The following WDR4 variants were observed in gnomAD, a reference collection of about 807,000 sequenced individuals.
The protein encoded by WDR4 is WDR4 tRNA N7-guanosine methyltransferase non-catalytic subunit.
Under a neutral mutation model 48.6 loss-of-function variants are expected in WDR4, and 47 were observed. That is an observed-to-expected ratio of 0.97 (90% CI 0.77 to 1.23). The LOEUF is 1.23. Among genes scored for constraint, WDR4 ranks in the 50% most tolerant of loss-of-function variants. The pLI, the probability that WDR4 is intolerant of heterozygous loss-of-function variation, is 0.00. For synonymous variants in WDR4, 268 were observed against 230.0 expected (o/e 1.17, Z -1.49); for missense variants, 606 against 551.6 (o/e 1.10, Z -0.99).
chr21:42,851,643 G>A lies in WDR4; in HGVS notation c.1045+612C>T, dbSNP rs530930056. ...ACAACGACGCACCCAGAACTACAGT[G>A]TGTCGTGTCCCCAGAAGGCAGGGTA... On this transcript the variant is annotated intron_variant, in intron 10 of 10. Transcript: ENST00000398208. Among the ~76,000 whole-genome samples, 5 of 152,338 alleles carry A rather than the reference G, an allele frequency of 3.3e-5. No homozygotes were observed. In the South Asian group the frequency reaches 1.0e-3, roughly 32 times the overall value.
the WDR4 span, among the ~76,000 whole-genome samples, chr21:42,891,755 G>C: frequency 5.3e-5 from 8 of 151,738 alleles, no homozygotes; most frequent in East Asian, 1.9e-4. Context: ...TCAGGAGTTC[G>C]AGACCAGTCT....
At position 42,879,538 on chromosome 21, in the gene WDR4, G is replaced by A. The variant is rs998968888; in HGVS notation, c.-43C>T. On this transcript the variant is annotated 5_prime_UTR_variant, in exon 1 of 11. Coordinates refer to ENST00000398208, the MANE Select transcript of WDR4 (RefSeq NM_018669.6). ...CGCCATACACATGTGCCAGCCCAGA[G>A]CCTCTTCCTGTCCGCACCGGTCGGT... 4 of 1,606,266 alleles carry A rather than the reference G, an allele frequency of 2.5e-6. No individual in the cohort carries two copies. The highest frequency in any genetic ancestry group is 3.4e-6 in the Non-Finnish European group (4 of 1,176,366).
chr21:42,847,817 G>A (rs1041789150), downstream of WDR4, among the ~76,000 whole-genome samples: 3 of 151,338 alleles, frequency 2.0e-5, no homozygotes, highest in Admixed American at 1.3e-4. Context: ...GCAGCGCATG[G>A]GCCTGTCTGC....
the WDR4 span, among the ~76,000 whole-genome samples, chr21:42,888,571 T>A: frequency 6.6e-6 from 1 of 150,686 alleles, no homozygotes; most frequent in African/African-American, 2.4e-5. Flanking sequence ...AATAAATAAA[T>A]AAATCAATAA....
the WDR4 span, among the ~76,000 whole-genome samples, chr21:42,891,121 C>G: frequency 6.6e-6 from 1 of 152,010 alleles, no homozygotes; most frequent in African/African-American, 2.4e-5. Context: ...TCAAGAGTTA[C>G]AAACCAGCCT....
At chr21:42,877,137 A>C (rs865879431) in intron 1 of WDR4, among the ~76,000 whole-genome samples, 1 of 117,362 alleles carries the variant, frequency 8.5e-6, no homozygotes, top group Non-Finnish European at 1.8e-5. Context: ...GCCTGGCCCT[A>C]ATTTTTTTTT....
intron 1 of WDR4, among the ~76,000 whole-genome samples, chr21:42,877,925 G>A (rs2058535134): frequency 6.6e-6 from 1 of 151,456 alleles, no homozygotes. Flanking sequence ...GGCGCCTGCA[G>A]TCCCAACTAC....
At position 42,849,741 on chromosome 21, in the gene WDR4, G is replaced by T; in HGVS notation, c.*308C>A. The T allele has an allele frequency of 3.1e-6, 1 of 318,816 alleles. No individual in the cohort carries two copies. 19.7% of individuals were successfully genotyped at this position (318,816 alleles called of 1,614,324 possible). A position where few individuals can be genotyped will look rare whatever the true frequency, so the allele number is the denominator to read the frequency against. On this transcript the variant is annotated 3_prime_UTR_variant, in exon 11 of 11. Coordinates refer to ENST00000398208, the MANE Select transcript of WDR4 (RefSeq NM_018669.6). ...GACACGAAGGGCGGTATGAGAACAGGAGAAACACAGACAGCTGCCGCCACC... is the reference window on the plus strand; with the variant it reads ...GACACGAAGGGCGGTATGAGAACAGTAGAAACACAGACAGCTGCCGCCACC...
upstream of WDR4, chr21:42,879,618 CA>C: frequency 8.1e-7 from 1 of 1,235,784 alleles, no homozygotes; most frequent in South Asian, 1.4e-5. Context: ...CGCGCATGCT[CA>C]AGGACGAGCC....
At chr21:42,849,192 G>A (rs111812230), downstream of WDR4, 2,676 of 151,450 alleles carry the variant, frequency 0.018, 30 homozygotes, top group Non-Finnish European at 0.027. Context: ...CAATCACACC[G>A]CGCACCTCAC....
chr21:42,850,984 C>T (rs906318140), intron 10 of WDR4, among the ~76,000 whole-genome samples: 1 of 152,184 alleles, frequency 6.6e-6, no homozygotes, highest in Non-Finnish European at 1.5e-5. Flanking sequence ...GCAGCCTCCC[C>T]GCCCCTCCAG....
intron 6 of WDR4, among the ~76,000 whole-genome samples, chr21:42,857,107 TG>T (rs2058014309): frequency 6.6e-6 from 1 of 151,870 alleles, no homozygotes; most frequent in African/African-American, 2.4e-5. Context: ...AGCTGTCAAA[TG>T]TCTTTACAAA....
chr21:42,855,810 A>G (rs1413749946), intron 6 of WDR4, 30 bp from the exon 7 acceptor site: 4 of 1,510,978 alleles, frequency 2.6e-6, no homozygotes, highest in East Asian at 2.5e-5. Flanking sequence ...AGGTTAGCAC[A>G]TGGTTGTGGG....
Position 42,850,243 on chromosome 21 carries a change from C to T in WDR4, c.1046-1G>A, listed in dbSNP as rs766918418. The T allele has an allele frequency of 1.1e-5, 17 of 1,588,478 alleles. No individual in the cohort carries two copies. Among genetic ancestry groups the T allele is most frequent in the Admixed American group, 1.8e-5 (1 of 55,252 alleles). ...AAGCTGGCGTCTGCGCCGGCAGAGC[C>T]TGTGATGGGGGAACAAGGACAGGTG... On this transcript the variant is annotated splice_acceptor_variant, in intron 10 of 10. Coordinates refer to ENST00000398208, the MANE Select transcript of WDR4 (RefSeq NM_018669.6). LOFTEE classifies it high-confidence loss of function.
upstream of WDR4, chr21:42,879,655 T>C (rs1227274685): frequency 1.9e-5 from 16 of 852,270 alleles, 1 homozygote; most frequent in Admixed American, 3.0e-5. Context: ...TGAAAGGTGC[T>C]GTGACCGCCC....
rs548051058 is a variant in WDR4, at chr21:42,857,998, G to A, written c.627+1664C>T. Among the ~76,000 whole-genome samples, 29 of 152,208 alleles carry A rather than the reference G, an allele frequency of 1.9e-4. No homozygotes were observed. In the East Asian group the frequency reaches 5.0e-3, roughly 26 times the overall value. On this transcript the variant is annotated intron_variant, in intron 6 of 10. Coordinates refer to ENST00000398208, the MANE Select transcript of WDR4 (RefSeq NM_018669.6). ...ACTAGCTACTCGGGAGGCCTGAGGTGGGAGGATTGCTTGAGCCCGGGAGGC... is the reference window on the plus strand; with the variant it reads ...ACTAGCTACTCGGGAGGCCTGAGGTAGGAGGATTGCTTGAGCCCGGGAGGC...
intron 6 of WDR4, among the ~76,000 whole-genome samples, chr21:42,858,526 A>G (rs1306668617): frequency 2.0e-5 from 3 of 152,246 alleles, no homozygotes; most frequent in South Asian, 2.1e-4. Context: ...CCAGAAAAGC[A>G]AAGTCAGAAA....
downstream of WDR4, among the ~76,000 whole-genome samples, chr21:42,846,762 C>T (rs2057714338): frequency 6.6e-6 from 1 of 152,092 alleles, no homozygotes; most frequent in African/African-American, 2.4e-5. Flanking sequence ...TGGCTGACAC[C>T]TATAATCCCA....
At chr21:42,874,485 G>A (rs563517242) in intron 2 of WDR4, among the ~76,000 whole-genome samples, 2 of 152,292 alleles carry the variant, frequency 1.3e-5, no homozygotes, top group East Asian at 3.9e-4. Flanking sequence ...AACTCTGACC[G>A]CTGGTGAGCC....
Sources: allele counts gnomAD v4.1 joint callset (sites outside exome capture counted in the v4.1 genomes callset), GRCh38; gene constraint gnomAD v4.1.1; transcripts MANE v1.5; gene names NCBI Gene and HGNC (gene_info 2026-07-23, HGNC 2026-07-21).